Variants in CDKAL1 observed in about 807,000 individuals in gnomAD.
CDKAL1 encodes CDKAL1 threonylcarbamoyladenosine tRNA methylthiotransferase, also known as threonylcarbamoyladenosine tRNA methylthiotransferase.
Under a neutral mutation model 68.2 loss-of-function variants are expected in CDKAL1, and 32 were observed. The ratio of observed to expected loss-of-function variants is 0.47; its 90% CI spans 0.35 to 0.63. The LOEUF is 0.63. Ranked by LOEUF, CDKAL1 falls within the 30% of genes least tolerant of loss-of-function variation. The pLI, the probability that CDKAL1 is intolerant of heterozygous loss-of-function variation, is 0.00. For synonymous variants in CDKAL1, 234 were observed against 244.3 expected, an observed-to-expected ratio of 0.96 and a Z score of 0.39; for missense variants, 606 against 696.7, an observed-to-expected ratio of 0.87 and a Z score of 1.47.
intron 9 of CDKAL1, among the ~76,000 whole-genome samples, chr6:20,862,662 TGC>T (rs373491559): frequency 3.7e-5 from 5 of 133,782 alleles, no homozygotes; most frequent in East Asian, 2.3e-4. Flanking sequence ...TGTGTGTGTG[TGC>T]GCGCGTGCAT....
chr6:20,880,179 G>C (rs1760736563), intron 9 of CDKAL1, among the ~76,000 whole-genome samples: 1 of 152,222 alleles, frequency 6.6e-6, no homozygotes, highest in Non-Finnish European at 1.5e-5. Flanking sequence ...GGAATGCTTA[G>C]AGTGGGAATG....
chr6:20,548,851 A>G (rs1207938566), intron 4 of CDKAL1, 146 bp downstream of exon 4: 7 of 514,634 alleles, frequency 1.4e-5, no homozygotes, highest in Non-Finnish European at 2.4e-5. Flanking sequence ...GTAGATAACC[A>G]TGGATGTCAT....
At chr6:20,789,310 A>G (rs1200622006) in intron 8 of CDKAL1, among the ~76,000 whole-genome samples, 1 of 152,204 alleles carries the variant, frequency 6.6e-6, no homozygotes, top group Non-Finnish European at 1.5e-5. Context: ...GCATTATAAG[A>G]CTGTACTTGG....
chr6:20,886,274 T>G (rs969668262), intron 9 of CDKAL1, among the ~76,000 whole-genome samples: 2 of 152,196 alleles, frequency 1.3e-5, no homozygotes, highest in Non-Finnish European at 2.9e-5. Context: ...TCCTCATACA[T>G]TGCTGTGAAT....
intron 7 of CDKAL1, among the ~76,000 whole-genome samples, chr6:20,776,294 T>C (rs1442750546): frequency 1.3e-5 from 2 of 152,248 alleles, no homozygotes; most frequent in Admixed American, 6.5e-5. Context: ...TGCTCACCTC[T>C]TCATTAACTG....
chr6:20,917,159 G>T (rs779727146), intron 9 of CDKAL1, among the ~76,000 whole-genome samples: 3 of 151,904 alleles, frequency 2.0e-5, no homozygotes, highest in Non-Finnish European at 4.4e-5. Context: ...TTTTGTATTT[G>T]TAGTAGAGAT....
rs146835747 is a variant in CDKAL1, at chr6:21,019,413, C to T, written c.1055+19041C>T. Among the ~76,000 whole-genome samples the T allele has an allele frequency of 2.4e-3, 361 of 152,254 alleles. 3 individuals carry two copies. The highest frequency in any genetic ancestry group is 8.3e-3 in the African/African-American group (344 of 41,536). ...ATTTGTTACGACACTGCAAATGTAT[C>T]ACTTTTTTTTCTAATTAAGATCCTG... On this transcript the variant is annotated intron_variant, in intron 11 of 15. Transcript: ENST00000274695.
chr6:21,155,947 A>C (rs1776620634), intron 13 of CDKAL1, among the ~76,000 whole-genome samples: 1 of 152,204 alleles, frequency 6.6e-6, no homozygotes, highest in African/African-American at 2.4e-5. Flanking sequence ...GTGGGTGATG[A>C]GTTAAATAAA....
chr6:20,711,586 C>G (rs548485054), intron 5 of CDKAL1, among the ~76,000 whole-genome samples: 2 of 152,188 alleles, frequency 1.3e-5, no homozygotes, highest in South Asian at 4.1e-4. Context: ...AGTTTGGATA[C>G]CTTTGGCCTG....
intron 13 of CDKAL1, among the ~76,000 whole-genome samples, chr6:21,174,025 A>G (rs35462438): frequency 0.14 from 21,343 of 152,140 alleles, 1,774 homozygotes; most frequent in Non-Finnish European, 0.19. Context: ...AACTGTGATC[A>G]CACACACCTC....
At chr6:20,587,863 A>G (rs772939888) in intron 4 of CDKAL1, among the ~76,000 whole-genome samples, 14 of 152,152 alleles carry the variant, frequency 9.2e-5, no homozygotes, top group Non-Finnish European at 1.9e-4. Flanking sequence ...TGGGAGGTTA[A>G]GTTGGGCAGA....
chr6:20,760,634 T>C (rs2150351585), intron 7 of CDKAL1, among the ~76,000 whole-genome samples: 1 of 152,346 alleles, frequency 6.6e-6, no homozygotes, highest in African/African-American at 2.4e-5. Flanking sequence ...ATTTATACGA[T>C]ACTGTTATTT....
intron 2 of CDKAL1, among the ~76,000 whole-genome samples, chr6:20,545,340 A>ATTTT (rs138631974): frequency 0.011 from 1,628 of 152,256 alleles, 36 homozygotes; most frequent in African/African-American, 0.038. Context: ...AATTATAAAA[A>ATTTT]TTTTGAATAT....
intron 5 of CDKAL1, among the ~76,000 whole-genome samples, chr6:20,705,761 T>G (rs527631897): frequency 6.6e-6 from 1 of 152,286 alleles, no homozygotes; most frequent in African/African-American, 2.4e-5. Flanking sequence ...GTACTAGTTT[T>G]TAGCAGATCT....
chr6:20,799,020 A>G (rs1299274888), intron 8 of CDKAL1, among the ~76,000 whole-genome samples: 2 of 134,686 alleles, frequency 1.5e-5, no homozygotes, highest in Admixed American at 7.7e-5. Flanking sequence ...GCCTGGGCCC[A>G]TATATTTGAA....
At chr6:20,647,713 T>C (rs1162108019) in intron 4 of CDKAL1, among the ~76,000 whole-genome samples, 1 of 152,076 alleles carries the variant, frequency 6.6e-6, no homozygotes, top group Non-Finnish European at 1.5e-5. Flanking sequence ...AGGAGGTAGG[T>C]GAATAATCTT....
intron 15 of CDKAL1, 70 bp downstream of exon 15, chr6:21,201,344 G>A: frequency 1.5e-6 from 2 of 1,345,742 alleles, no homozygotes; most frequent in Non-Finnish European, 2.1e-6. Context: ...GTGATTCCAG[G>A]CCATGTTTCT....
At chr6:20,899,954 G>A (rs1402243495) in intron 9 of CDKAL1, among the ~76,000 whole-genome samples, 1 of 152,182 alleles carries the variant, frequency 6.6e-6, no homozygotes. Flanking sequence ...ATCTGACCAA[G>A]GTGACATAAA....
chr6:20,788,376 C>T (rs1775760688), intron 8 of CDKAL1, among the ~76,000 whole-genome samples: 1 of 152,228 alleles, frequency 6.6e-6, no homozygotes, highest in Non-Finnish European at 1.5e-5. Flanking sequence ...TATATTTGCA[C>T]ACCGTAAGGT....
Sources: allele counts gnomAD v4.1 joint callset (sites outside exome capture counted in the v4.1 genomes callset), GRCh38; gene constraint gnomAD v4.1.1; transcripts MANE v1.5; gene names NCBI Gene and HGNC (gene_info 2026-07-23, HGNC 2026-07-21).